SYT1: variants seen among roughly 807,000 people sequenced by gnomAD.
SYT1 encodes the protein synaptotagmin 1, also known as synaptotagmin-1.
SYT1 carries 8 observed loss-of-function variants against 44.8 expected under a neutral mutation model. The observed-to-expected ratio is 0.18, with a 90% CI of 0.10 to 0.32. The LOEUF is 0.32. Ranked by LOEUF, SYT1 falls within the 10% of genes least tolerant of loss-of-function variation. The pLI is 1.00. For synonymous variants in SYT1, 154 were observed against 188.8 expected (o/e 0.82, Z 1.51); for missense variants, 286 against 509.3 (o/e 0.56, Z 4.22).
intron 8 of SYT1, among the ~76,000 whole-genome samples, chr12:79,329,896 T>C (rs925634132): frequency 6.6e-6 from 1 of 152,244 alleles, no homozygotes; most frequent in Admixed American, 6.5e-5. Context: ...TTTATCTTTT[T>C]CTAATTCACT....
chr12:79,380,050 T>C (rs763217153), intron 9 of SYT1, among the ~76,000 whole-genome samples: 17 of 152,170 alleles, frequency 1.1e-4, no homozygotes, highest in Non-Finnish European at 1.9e-4. Flanking sequence ...CAATCTGACA[T>C]TTTTAGAAAC....
chr12:79,064,387 G>T (rs916315502), intron 3 of SYT1, among the ~76,000 whole-genome samples: 1 of 152,126 alleles, frequency 6.6e-6, no homozygotes, highest in Non-Finnish European at 1.5e-5. Context: ...TTGAGAATAT[G>T]AATATTTCAG....
At chr12:79,199,478 C>A (rs548441508) in intron 3 of SYT1, among the ~76,000 whole-genome samples, 2 of 152,204 alleles carry the variant, frequency 1.3e-5, no homozygotes, top group South Asian at 2.1e-4. Flanking sequence ...ATTGTGTAGG[C>A]TTTATTTTCA....
chr12:79,309,682 A>T (rs1269735172), intron 8 of SYT1, among the ~76,000 whole-genome samples: 1 of 152,252 alleles, frequency 6.6e-6, no homozygotes, highest in Non-Finnish European at 1.5e-5. Context: ...CACTGTCAAC[A>T]GAAGATCAAG....
At chr12:79,244,366 T>C (rs1295762969) in intron 4 of SYT1, among the ~76,000 whole-genome samples, 2 of 152,212 alleles carry the variant, frequency 1.3e-5, no homozygotes, top group Admixed American at 6.5e-5. Context: ...TTAGAAACTT[T>C]CATTTTTTCT....
intron 1 of SYT1, among the ~76,000 whole-genome samples, chr12:78,971,272 A>G (rs1323133792): frequency 6.6e-6 from 1 of 152,212 alleles, no homozygotes; most frequent in Non-Finnish European, 1.5e-5. Context: ...AAGATGTCCA[A>G]ACTTCTTTTG....
intron 6 of SYT1, among the ~76,000 whole-genome samples, chr12:79,292,384 T>C (rs1343434712): frequency 6.6e-6 from 1 of 152,126 alleles, no homozygotes; most frequent in Non-Finnish European, 1.5e-5. Context: ...GAATACAAAT[T>C]AACTTGAAGC....
rs1003304493 is a variant in SYT1 at position 79,065,242 on chromosome 12, G to A, written c.-18+17880G>A. On this transcript the variant is annotated intron_variant, in intron 3 of 10. Transcript: ENST00000261205. Reference sequence around the variant, plus strand: ...AAAACAAACAACAACAAAAATAGCCGGCATTATAGCACACACCTGTAGTCC... The same window carrying A: ...AAAACAAACAACAACAAAAATAGCCAGCATTATAGCACACACCTGTAGTCC... Among the ~76,000 whole-genome samples, 72 of 152,018 alleles carry A rather than the reference G, an allele frequency of 4.7e-4. 1 individual carries two copies. The highest frequency in any genetic ancestry group is 2.1e-4 in the South Asian group (1 of 4,814).
chr12:79,186,647 A>C (rs543685848), intron 3 of SYT1, among the ~76,000 whole-genome samples: 27 of 152,146 alleles, frequency 1.8e-4, no homozygotes, highest in African/African-American at 6.5e-4. Context: ...TAAGTGAAAA[A>C]ATCGGAAGTA....
At chr12:79,381,593 A>AAAT (rs1247461128) in intron 9 of SYT1, among the ~76,000 whole-genome samples, 1 of 152,194 alleles carries the variant, frequency 6.6e-6, no homozygotes, top group African/African-American at 2.4e-5. Flanking sequence ...GTAGAGAAAA[A>AAAT]TGAGCTTATC....
intron 3 of SYT1, among the ~76,000 whole-genome samples, chr12:79,179,513 A>T (rs529401300): frequency 1.0e-5 from 1 of 97,578 alleles, no homozygotes; most frequent in African/African-American, 4.3e-5. Context: ...ATAGATATAG[A>T]TATATCTATA....
intron 3 of SYT1, among the ~76,000 whole-genome samples, chr12:79,204,780 T>C (rs1293722412): frequency 9.8e-5 from 1 of 10,232 alleles, no homozygotes; most frequent in Non-Finnish European, 2.0e-4. Context: ...TGTTGTAACT[T>C]TTTTTTTTTT....
chr12:79,251,982 T>TGATAGATA (rs10527014), intron 4 of SYT1, among the ~76,000 whole-genome samples: 37,121 of 149,798 alleles, frequency 0.25, 4,679 homozygotes, highest in African/African-American at 0.29. Flanking sequence ...GATAGATGAT[T>TGATAGATA]GATAGATAGA....
At chr12:79,013,431 G>GGGATTAAC (rs1188464970) in intron 2 of SYT1, among the ~76,000 whole-genome samples, 58 of 152,262 alleles carry the variant, frequency 3.8e-4, no homozygotes, top group African/African-American at 1.4e-3. Context: ...AACTCCAAGA[G>GGGATTAAC]GGATTAACTG....
At chr12:79,313,328 A>C (rs1880900748) in intron 8 of SYT1, among the ~76,000 whole-genome samples, 1 of 152,232 alleles carries the variant, frequency 6.6e-6, no homozygotes, top group South Asian at 2.1e-4. Context: ...TTATAAACTT[A>C]TGCCGTGCAA....
chr12:79,082,308 GTC>G (rs1877089823), intron 3 of SYT1, among the ~76,000 whole-genome samples: 1 of 152,166 alleles, frequency 6.6e-6, no homozygotes, highest in Non-Finnish European at 1.5e-5. Context: ...CCACTCAACA[GTC>G]TGCAAGAAGT....
chr12:79,208,206 G>C (rs1323259164), intron 3 of SYT1, among the ~76,000 whole-genome samples: 1 of 152,122 alleles, frequency 6.6e-6, no homozygotes, highest in Non-Finnish European at 1.5e-5. Context: ...ATAACTATGA[G>C]TTGTAATTTA....
At chr12:78,934,336 C>A (rs1448645752) in intron 1 of SYT1, among the ~76,000 whole-genome samples, 3 of 152,004 alleles carry the variant, frequency 2.0e-5, no homozygotes, top group Non-Finnish European at 2.9e-5. Context: ...GCCTGGGCAA[C>A]AGGGCAAAAA....
chr12:79,377,463 G>C (rs112240200), intron 9 of SYT1, among the ~76,000 whole-genome samples: 1 of 152,084 alleles, frequency 6.6e-6, no homozygotes, highest in African/African-American at 2.4e-5. Context: ...TCTTCTATAT[G>C]TGTTGGTAAT....
Sources: gnomAD v4.1 joint callset for allele counts (sites outside exome capture counted in the v4.1 genomes callset) on GRCh38, gnomAD v4.1.1 for gene constraint, MANE v1.5 for transcripts, NCBI Gene and HGNC (gene_info 2026-07-23, HGNC 2026-07-21) for gene names.